The following UBE3C variants were observed in gnomAD, a reference collection of about 807,000 sequenced individuals.
UBE3C encodes the protein ubiquitin protein ligase E3C.
In UBE3C, 42 loss-of-function variants were observed where a neutral mutation model predicts 129.4. The ratio of observed to expected loss-of-function variants is 0.32; its 90% CI spans 0.25 to 0.42. The LOEUF (loss-of-function observed/expected upper bound fraction) is 0.42, where lower values mean the gene tolerates loss of function less well. UBE3C is among the 10% of genes least tolerant of loss of function. UBE3C has a pLI of 1.00. For synonymous variants in UBE3C, 510 were observed against 492.4 expected, an observed-to-expected ratio of 1.04 and a Z score of -0.47; for missense variants, 1,049 against 1,319.1, an observed-to-expected ratio of 0.80 and a Z score of 3.17.
At position 157,211,752 on chromosome 7, in the gene UBE3C, A is replaced by G. The variant is rs557820688; in HGVS notation, c.1809+3817A>G. 2.6e-5 allele frequency among the ~76,000 whole-genome samples: 4 copies of G among 152,252 alleles called. No individual in the cohort carries two copies. In the South Asian group the frequency reaches 6.2e-4, roughly 24 times the overall value. Reference sequence around the variant, plus strand: ...GTGTTTTATTCTCAGTTATTTGAACACTCACAGTATTCATCCCACCCATAG... The same window carrying G: ...GTGTTTTATTCTCAGTTATTTGAACGCTCACAGTATTCATCCCACCCATAG... On this transcript the variant is annotated intron_variant, in intron 13 of 22. Transcript: ENST00000348165.
intron 13 of UBE3C, among the ~76,000 whole-genome samples, chr7:157,209,216 GTC>G (rs1266547377): frequency 1.3e-5 from 2 of 152,166 alleles, no homozygotes; most frequent in Non-Finnish European, 2.9e-5. Context: ...GTCCACGAGA[GTC>G]TCTCTCCAGC....
intron 1 of UBE3C, among the ~76,000 whole-genome samples, chr7:157,154,180 G>T (rs968860012): frequency 2.6e-5 from 4 of 152,022 alleles, no homozygotes; most frequent in Admixed American, 6.6e-5. Context: ...AATTAGCCAG[G>T]TGTGGTGGCA....
chr7:157,151,745 G>A (rs1199702071), intron 1 of UBE3C, among the ~76,000 whole-genome samples: 1 of 152,124 alleles, frequency 6.6e-6, no homozygotes, highest in East Asian at 1.9e-4. Flanking sequence ...AGAGAAGAGG[G>A]GGCTATGCAA....
chr7:157,246,005 A>AAC (rs984103151), intron 18 of UBE3C, among the ~76,000 whole-genome samples: 4 of 151,842 alleles, frequency 2.6e-5, no homozygotes, highest in Admixed American at 6.6e-5. Context: ...AAAAAAAAAA[A>AAC]AAAAAAAAAC....
intron 10 of UBE3C, chr7:157,197,452 G>T: frequency 1.7e-6 from 1 of 582,166 alleles, no homozygotes; most frequent in Non-Finnish European, 2.9e-6. Context: ...TATTCAGGTT[G>T]GAAGACAGAA....
At chr7:157,149,088 C>T (rs922621805) in intron 1 of UBE3C, among the ~76,000 whole-genome samples, 10 of 148,954 alleles carry the variant, frequency 6.7e-5, no homozygotes. Context: ...TAGAGTTTTG[C>T]TCTTGTCGCC....
chr7:157,168,838 G>A (rs1475844424), intron 2 of UBE3C, among the ~76,000 whole-genome samples: 1 of 152,214 alleles, frequency 6.6e-6, no homozygotes, highest in African/African-American at 2.4e-5. Context: ...GCTTCTGGTT[G>A]TGGTGATGAA....
At chr7:157,183,735 TC>T in intron 8 of UBE3C, 142 bp from the exon 9 acceptor site, 1 of 1,031,788 alleles carries the variant, frequency 9.7e-7, no homozygotes, top group South Asian at 1.7e-5. Flanking sequence ...TAAATATGTT[TC>T]CTATTATAAC....
intron 16 of UBE3C, 99 bp downstream of exon 16, chr7:157,223,450 G>A: frequency 9.8e-7 from 1 of 1,016,048 alleles, no homozygotes; most frequent in Non-Finnish European, 1.4e-6. Flanking sequence ...CCTAGTGCCT[G>A]GCTGATTACA....
chr7:157,140,173 C>T (rs578116051), intron 1 of UBE3C, among the ~76,000 whole-genome samples: 1 of 151,786 alleles, frequency 6.6e-6, no homozygotes, highest in Admixed American at 6.6e-5. Context: ...TCCCTTCCCA[C>T]CCCTTCCCAT....
intron 5 of UBE3C, 86 bp downstream of exon 5, chr7:157,175,120 A>T: frequency 1.5e-6 from 1 of 658,714 alleles, no homozygotes; most frequent in Non-Finnish European, 2.1e-6. Context: ...ATTTTCAGAG[A>T]CAGTGGCTTT....
intron 22 of UBE3C, among the ~76,000 whole-genome samples, chr7:157,260,275 G>T (rs1563078787): frequency 6.6e-6 from 1 of 152,156 alleles, no homozygotes; most frequent in South Asian, 2.1e-4. Context: ...AGAAACTGAC[G>T]TAATGAAAGA....
rs558901620 is a variant in UBE3C, at chr7:157,147,152, T to G, written c.66+7814T>G. On this transcript the variant is annotated intron_variant, in intron 1 of 22. Coordinates refer to ENST00000348165, the MANE Select transcript of UBE3C (RefSeq NM_014671.3). Reference sequence around the variant, plus strand: ...ACTAAAATCTTGACAGTGTTGAGCCTTCCTATCCATGAATATGGAATATCT... The same window carrying G: ...ACTAAAATCTTGACAGTGTTGAGCCGTCCTATCCATGAATATGGAATATCT... 7.9e-5 allele frequency among the ~76,000 whole-genome samples: 12 copies of G among 152,366 alleles called. No individual in the cohort carries two copies. The South Asian group carries it at 2.5e-3, about 32-fold the overall frequency.
chr7:157,181,542 T>G lies in UBE3C; in HGVS notation c.641T>G (p.Leu214Trp), dbSNP rs1808666138. ...GGGTATTATAGGTCTCTATATTTGTTGATTAACAGCAAGCTTCCATCAAGT... is the reference window on the plus strand; with the variant it reads ...GGGTATTATAGGTCTCTATATTTGTGGATTAACAGCAAGCTTCCATCAAGT... Reference protein sequence around the residue: ...HNGYYRSLYLLINSKLPSSIE... With the variant: ...HNGYYRSLYLWINSKLPSSIE... Residue 214 changes from leucine (L) to tryptophan (W), a missense_variant, in exon 7 of 23, where the codon TTG (leucine) becomes TGG (tryptophan). By Grantham distance (61) the Leu-to-Trp change is moderately conservative. Coordinates refer to ENST00000348165, the MANE Select transcript of UBE3C (RefSeq NM_014671.3). 6.2e-7 allele frequency: 1 copy of G among 1,611,158 alleles called. No individual in the cohort carries two copies. The highest frequency in any genetic ancestry group is 1.3e-5 in the African/African-American group (1 of 74,930).
intron 18 of UBE3C, among the ~76,000 whole-genome samples, chr7:157,243,157 G>C (rs948974585): frequency 6.6e-6 from 1 of 152,204 alleles, no homozygotes; most frequent in Non-Finnish European, 1.5e-5. Context: ...AGATGTGCAC[G>C]TGTCCTCCAC....
intron 18 of UBE3C, among the ~76,000 whole-genome samples, chr7:157,240,761 A>G (rs1423972410): frequency 6.6e-6 from 1 of 152,198 alleles, no homozygotes; most frequent in Non-Finnish European, 1.5e-5. Context: ...TCAGGGAGTC[A>G]GTGTAGCGGT....
Position 157,267,849 on chromosome 7 carries a change from T to C in UBE3C, c.*94T>C. ...CACGAGGATACTCACACTGCACGCC[T>C]GAGGCTCTCCTAAGCTCCTTCTTTC... On this transcript the variant is annotated 3_prime_UTR_variant, in exon 23 of 23. Coordinates refer to ENST00000348165, the MANE Select transcript of UBE3C (RefSeq NM_014671.3). The C allele has an allele frequency of 4.5e-6, 5 of 1,122,532 alleles. No homozygotes were observed. In the South Asian group the frequency reaches 9.1e-5, roughly 20 times the overall value. 69.5% of individuals were successfully genotyped at this position (1,122,532 alleles called of 1,614,324 possible).
At chr7:157,163,778 C>A in intron 1 of UBE3C, 32 bp from the exon 2 acceptor site, 1 of 1,603,302 alleles carries the variant, frequency 6.2e-7, no homozygotes, top group African/African-American at 1.3e-5. Context: ...GAAATTATAA[C>A]CTTACCTCCT....
intron 1 of UBE3C, among the ~76,000 whole-genome samples, chr7:157,150,638 G>A (rs1245968752): frequency 6.6e-6 from 1 of 152,120 alleles, no homozygotes; most frequent in Non-Finnish European, 1.5e-5. Flanking sequence ...GTCATGATGC[G>A]TATTAATGTC....
Sources: allele counts gnomAD v4.1 joint callset (sites outside exome capture counted in the v4.1 genomes callset), GRCh38; gene constraint gnomAD v4.1.1; transcripts MANE v1.5; gene names NCBI Gene and HGNC (gene_info 2026-07-23, HGNC 2026-07-21).